The following RORB variants were observed in gnomAD, a reference collection of about 807,000 sequenced individuals.
RORB encodes the protein nuclear receptor ROR-beta.
A neutral mutation model predicts 59.1 loss-of-function variants in RORB; 6 were observed. The ratio of observed to expected loss-of-function variants is 0.10; its 90% CI spans 0.06 to 0.20. The LOEUF (loss-of-function observed/expected upper bound fraction) is 0.20. RORB is among the 10% of genes least tolerant of loss of function. RORB has a pLI of 1.00. For synonymous variants in RORB, 215 were observed against 204.5 expected (o/e 1.05, Z -0.44); for missense variants, 320 against 560.5 (o/e 0.57, Z 4.33).
rs548461510 is a variant in RORB at position 74,573,145 on chromosome 9, T to C, written c.8-57137T>C. ...TAGACAGTTTTCAAACGTGTTTTTT[T>C]CCACATCTTAACTCCATGGACCTCA... is the stretch of plus-strand genomic sequence containing the variant. On this transcript the variant is annotated intron_variant, in intron 1 of 9. Coordinates refer to ENST00000376896, the MANE Select transcript of RORB (RefSeq NM_006914.4). Among the ~76,000 whole-genome samples the C allele has an allele frequency of 7.9e-5, 12 of 152,296 alleles. No homozygotes were observed. In the South Asian group the frequency reaches 2.3e-3, roughly 29 times the overall value.
intron 1 of RORB, among the ~76,000 whole-genome samples, chr9:74,595,906 G>A (rs902584726): frequency 6.6e-6 from 1 of 152,060 alleles, no homozygotes; most frequent in Non-Finnish European, 1.5e-5. Context: ...AGAACTGTGC[G>A]GTCCCTCTGT....
intron 4 of RORB, among the ~76,000 whole-genome samples, chr9:74,644,936 A>G (rs1449058955): frequency 6.6e-6 from 1 of 152,202 alleles, no homozygotes; most frequent in Non-Finnish European, 1.5e-5. Flanking sequence ...CCCTGAGTCT[A>G]TTCTGTGAAC....
At chr9:74,625,989 A>G (rs1268755384) in intron 1 of RORB, among the ~76,000 whole-genome samples, 3 of 152,224 alleles carry the variant, frequency 2.0e-5, no homozygotes, top group African/African-American at 7.2e-5. Flanking sequence ...TAGTTAACTC[A>G]TTAGCTGGAT....
At chr9:74,660,182 A>G (rs1212808540) in intron 4 of RORB, among the ~76,000 whole-genome samples, 1 of 152,198 alleles carries the variant, frequency 6.6e-6, no homozygotes, top group Non-Finnish European at 1.5e-5. Flanking sequence ...CTTTAAAAAA[A>G]TAAGCAAATA....
intron 1 of RORB, among the ~76,000 whole-genome samples, chr9:74,569,045 A>G (rs935392291): frequency 7.2e-5 from 11 of 152,254 alleles, no homozygotes; most frequent in African/African-American, 2.6e-4. Flanking sequence ...TGTTAGCTGA[A>G]CAGGTTGTTG....
At chr9:74,626,660 G>A (rs977355494) in intron 1 of RORB, among the ~76,000 whole-genome samples, 15 of 152,090 alleles carry the variant, frequency 9.9e-5, no homozygotes, top group African/African-American at 3.6e-4. Flanking sequence ...AGCTGGTGAG[G>A]TCCAAACAGC....
rs147542630 is a variant in RORB, at chr9:74,691,081, G to A, written c.*5463G>A. 3 of 152,324 alleles carry A rather than the reference G, an allele frequency of 2.0e-5. No individual in the cohort carries two copies. Among genetic ancestry groups the A allele is most frequent in the Admixed American group, 1.3e-4 (2 of 15,296 alleles). 9.4% of individuals were successfully genotyped at this position (152,324 alleles called of 1,614,324 possible). A position where few individuals can be genotyped will look rare whatever the true frequency, so the allele number is the denominator to read the frequency against. On this transcript the variant is annotated 3_prime_UTR_variant, in exon 10 of 10. Transcript: ENST00000376896. ...GACCATGGATTCCTATGCAGCAGATGGGGGTTGTCTGTTTGTGCACTTTTT... is the reference window on the plus strand; with the variant it reads ...GACCATGGATTCCTATGCAGCAGATAGGGGTTGTCTGTTTGTGCACTTTTT...
At chr9:74,666,761 A>G (rs1356124649) in intron 7 of RORB, among the ~76,000 whole-genome samples, 1 of 152,204 alleles carries the variant, frequency 6.6e-6, no homozygotes, top group Admixed American at 6.5e-5. Context: ...CAGTGATCCC[A>G]GACCATTCCT....
chr9:74,659,316 TC>T (rs1464298219), intron 4 of RORB, among the ~76,000 whole-genome samples: 1 of 152,212 alleles, frequency 6.6e-6, no homozygotes, highest in Non-Finnish European at 1.5e-5. Flanking sequence ...TTGAGGGCTG[TC>T]CTGGAGAAAT....
rs192774417 is a variant in RORB, at chr9:74,646,715, C to A, written c.637+3900C>A. ...TCTAAGGTTAAGGTTAAGTCACTGT[C>A]CTAGACTGCCAGGCATTTTTCTTCA... On this transcript the variant is annotated intron_variant, in intron 4 of 9. Transcript: ENST00000376896. 5.8e-3 allele frequency among the ~76,000 whole-genome samples: 878 copies of A among 152,276 alleles called. 7 individuals carry two copies. Among genetic ancestry groups the A allele is most frequent in the Non-Finnish European group, 8.4e-3 (570 of 68,022 alleles).
chr9:74,618,247 T>G (rs541741579), intron 1 of RORB, among the ~76,000 whole-genome samples: 4 of 152,068 alleles, frequency 2.6e-5, no homozygotes, highest in African/African-American at 9.7e-5. Flanking sequence ...AAATCAAAAG[T>G]GTCTGCAAAC....
chr9:74,507,349 A>G (rs1007851559), intron 1 of RORB, among the ~76,000 whole-genome samples: 1 of 152,112 alleles, frequency 6.6e-6, no homozygotes, highest in African/African-American at 2.4e-5. Flanking sequence ...ATTAAATAGG[A>G]TCAAAATGTG....
intron 4 of RORB, among the ~76,000 whole-genome samples, chr9:74,652,795 CATGAACTGAGCCA>C (rs1411997993): frequency 1.3e-5 from 2 of 152,084 alleles, no homozygotes; most frequent in Non-Finnish European, 1.5e-5. Context: ...GTGGTTGGAC[CATGAACTGAGCCA>C]ACAAATAAGT....
At chr9:74,514,208 T>C (rs1340096073) in intron 1 of RORB, among the ~76,000 whole-genome samples, 1 of 152,104 alleles carries the variant, frequency 6.6e-6, no homozygotes, top group East Asian at 1.9e-4. Context: ...TGTGAATAAC[T>C]ACCAACCTCA....
At chr9:74,574,170 C>T (rs1423394449) in intron 1 of RORB, among the ~76,000 whole-genome samples, 2 of 152,134 alleles carry the variant, frequency 1.3e-5, no homozygotes, top group East Asian at 3.9e-4. Context: ...ACTCCTTCCC[C>T]TGAAAAGGAG....
chr9:74,543,400 A>ATTT (rs1826442092), intron 1 of RORB, among the ~76,000 whole-genome samples: 1 of 152,198 alleles, frequency 6.6e-6, no homozygotes, highest in African/African-American at 2.4e-5. Flanking sequence ...AAAACAACAG[A>ATTT]GGCCCATTTG....
At chr9:74,566,783 G>A (rs1035707136) in intron 1 of RORB, among the ~76,000 whole-genome samples, 21 of 152,184 alleles carry the variant, frequency 1.4e-4, no homozygotes, top group African/African-American at 4.6e-4. Context: ...GAAACAGGGC[G>A]AGATTCCATC....
chr9:74,608,621 T>C (rs894008160), intron 1 of RORB, among the ~76,000 whole-genome samples: 52 of 152,086 alleles, frequency 3.4e-4, no homozygotes, highest in Non-Finnish European at 8.8e-5. Flanking sequence ...ATCTGTGTTA[T>C]CTGTATAACT....
rs34021510 is a variant in RORB at position 74,570,730 on chromosome 9, C to CGTGT, written c.8-59545_8-59542dup. 3.3e-5 allele frequency among the ~76,000 whole-genome samples: 5 copies of CGTGT among 151,630 alleles called. No homozygotes were observed. The South Asian group carries it at 6.2e-4, about 19-fold the overall frequency. On this transcript the variant is annotated intron_variant, in intron 1 of 9. Coordinates refer to ENST00000376896, the MANE Select transcript of RORB (RefSeq NM_006914.4). Reference sequence around the variant, plus strand: ...GCTTATGAATTTGTGTGTGCACACACGTGTGTGTGTATGAATGTGTCTCAC... The same window carrying CGTGT: ...GCTTATGAATTTGTGTGTGCACACACGTGTGTGTGTGTGTATGAATGTGTCTCAC...
Sources: allele counts gnomAD v4.1 joint callset (sites outside exome capture counted in the v4.1 genomes callset), GRCh38; gene constraint gnomAD v4.1.1; transcripts MANE v1.5; gene names NCBI Gene and HGNC (gene_info 2026-07-23, HGNC 2026-07-21).